Variants in HEMK2 observed in about 807,000 individuals in gnomAD.
The protein encoded by HEMK2 is methyltransferase HEMK2.
chr21:28,779,741 C>G, the HEMK2 span, among the ~76,000 whole-genome samples: 1 of 152,148 alleles, frequency 6.6e-6, no homozygotes, highest in East Asian at 1.9e-4. Context: ...TTCTCAACTT[C>G]TCAAGCACCA....
chr21:28,752,031 G>C, the HEMK2 span, among the ~76,000 whole-genome samples: 1 of 152,158 alleles, frequency 6.6e-6, no homozygotes, highest in Non-Finnish European at 1.5e-5. Flanking sequence ...AAATTGAACA[G>C]AACATAAAAC....
the HEMK2 span, among the ~76,000 whole-genome samples, chr21:28,618,775 C>G: frequency 6.6e-6 from 1 of 152,196 alleles, no homozygotes; most frequent in Non-Finnish European, 1.5e-5. Context: ...ACAGCTCGCT[C>G]AATACTAATG....
chr21:28,621,866 G>A, the HEMK2 span, among the ~76,000 whole-genome samples: 1 of 152,198 alleles, frequency 6.6e-6, no homozygotes, highest in Non-Finnish European at 1.5e-5. Flanking sequence ...GGTCACTGGG[G>A]ATATGATGGC....
chr21:28,620,668 T>C, the HEMK2 span, among the ~76,000 whole-genome samples: 1 of 19,090 alleles, frequency 5.2e-5, no homozygotes, highest in Admixed American at 4.2e-4. Context: ...TTCTTTTTTT[T>C]TTTTTTTTTT....
At chr21:28,634,701 T>C in the HEMK2 span, among the ~76,000 whole-genome samples, 1 of 152,174 alleles carries the variant, frequency 6.6e-6, no homozygotes, top group African/African-American at 2.4e-5. Context: ...CTTAGACAAT[T>C]TACCGAACCT....
At chr21:28,730,558 C>T in the HEMK2 span, among the ~76,000 whole-genome samples, 261 of 152,286 alleles carry the variant, frequency 1.7e-3, 3 homozygotes, top group Middle Eastern at 0.014. Context: ...TGCTTCCACA[C>T]TCACTCATGT....
At chr21:28,857,002 C>T in the HEMK2 span, among the ~76,000 whole-genome samples, 1 of 152,152 alleles carries the variant, frequency 6.6e-6, no homozygotes, top group Non-Finnish European at 1.5e-5. Flanking sequence ...TCACTGGGCC[C>T]CACTCCCACA....
the HEMK2 span, among the ~76,000 whole-genome samples, chr21:28,755,638 C>T: frequency 3.5e-3 from 537 of 152,300 alleles, 3 homozygotes; most frequent in African/African-American, 0.012. Flanking sequence ...GTGAGGAAGA[C>T]TGATTGCCAA....
chr21:28,835,671 G>T, the HEMK2 span, among the ~76,000 whole-genome samples: 1 of 152,138 alleles, frequency 6.6e-6, no homozygotes, highest in African/African-American at 2.4e-5. Context: ...AATTCAGGAG[G>T]TTAGTTATTA....
At chr21:28,848,658 C>T in the HEMK2 span, among the ~76,000 whole-genome samples, 3 of 151,800 alleles carry the variant, frequency 2.0e-5, no homozygotes, top group Non-Finnish European at 4.4e-5. Context: ...CTTTCAAACT[C>T]CTTTAGGCAT....
the HEMK2 span, among the ~76,000 whole-genome samples, chr21:28,749,745 G>A: frequency 6.6e-6 from 1 of 152,214 alleles, no homozygotes; most frequent in Admixed American, 6.5e-5. Flanking sequence ...TGAAGGCTAA[G>A]AGGACATGGC....
At chr21:28,814,567 G>A in the HEMK2 span, among the ~76,000 whole-genome samples, 9 of 150,554 alleles carry the variant, frequency 6.0e-5, no homozygotes, top group East Asian at 1.9e-4. Flanking sequence ...AAAAGTGGGC[G>A]AAGGATATGA....
the HEMK2 span, among the ~76,000 whole-genome samples, chr21:28,732,655 T>C: frequency 6.6e-5 from 10 of 151,906 alleles, no homozygotes; most frequent in Admixed American, 6.6e-4. Context: ...GGGCCACAGG[T>C]AGGGATGAAG....
At chr21:28,865,162 TTTTG>T in the HEMK2 span, among the ~76,000 whole-genome samples, 2 of 152,032 alleles carry the variant, frequency 1.3e-5, no homozygotes, top group Non-Finnish European at 2.9e-5. Flanking sequence ...TTTTCTTTTG[TTTTG>T]TTTTTGTTTT....
At chr21:28,598,401 A>G in the HEMK2 span, among the ~76,000 whole-genome samples, 1 of 152,196 alleles carries the variant, frequency 6.6e-6, no homozygotes, top group Admixed American at 6.5e-5. Flanking sequence ...TGTCTTTGTG[A>G]TAAATCTCCA....
chr21:28,780,214 G>A, the HEMK2 span, among the ~76,000 whole-genome samples: 1 of 151,622 alleles, frequency 6.6e-6, no homozygotes, highest in East Asian at 1.9e-4. Context: ...GTCTCACTCT[G>A]TCTCCCAGGC....
the HEMK2 span, among the ~76,000 whole-genome samples, chr21:28,762,303 C>A: frequency 6.6e-6 from 1 of 152,032 alleles, no homozygotes; most frequent in Non-Finnish European, 1.5e-5. Context: ...AAAGAACATA[C>A]CCATGGATAT....
At chr21:28,811,736 C>T in the HEMK2 span, among the ~76,000 whole-genome samples, 43 of 152,236 alleles carry the variant, frequency 2.8e-4, no homozygotes, top group South Asian at 8.7e-3. Context: ...AGGTACTTTG[C>T]TAAGCTTTGT....
chr21:28,588,776 G>A, the HEMK2 span, among the ~76,000 whole-genome samples: 5 of 152,056 alleles, frequency 3.3e-5, no homozygotes, highest in East Asian at 1.9e-4. Context: ...AAGGTCAGGA[G>A]ATCGAGACCA....
Sources: allele counts gnomAD v4.1 joint callset (sites outside exome capture counted in the v4.1 genomes callset), GRCh38; gene constraint gnomAD v4.1.1; transcripts MANE v1.5; gene names NCBI Gene and HGNC (gene_info 2026-07-23, HGNC 2026-07-21).